EGLN1: variants seen among roughly 807,000 people sequenced by gnomAD.
EGLN1 encodes egl-9 family hypoxia inducible factor 1, also known as egl nine homolog 1.
In EGLN1, 17 loss-of-function variants were observed where a neutral mutation model predicts 38.3. The ratio of observed to expected loss-of-function variants is 0.44; its 90% CI spans 0.30 to 0.67. The LOEUF (loss-of-function observed/expected upper bound fraction) is 0.67, where lower values mean the gene tolerates loss of function less well. EGLN1 is among the 30% of genes least tolerant of loss of function. The probability of loss-of-function intolerance (pLI) is 0.08; values close to 1 mark genes in which losing one functional copy is unlikely to be tolerated. For missense variants in EGLN1, 477 were observed against 603.3 expected, an observed-to-expected ratio of 0.79 and a Z score of 2.19; for synonymous variants, 283 against 257.5, an observed-to-expected ratio of 1.10 and a Z score of -0.95.
chr1:231,411,141 C>A (rs1175249422), intron 1 of EGLN1, among the ~76,000 whole-genome samples: 1 of 152,162 alleles, frequency 6.6e-6, no homozygotes, highest in Non-Finnish European at 1.5e-5. Context: ...TTATAATCCC[C>A]ATTGTCAGGG....
At chr1:231,393,480 T>C (rs1688445471) in intron 1 of EGLN1, among the ~76,000 whole-genome samples, 1 of 152,180 alleles carries the variant, frequency 6.6e-6, no homozygotes, top group African/African-American at 2.4e-5. Context: ...ATGTGTCTAA[T>C]CCTACTTCTT....
Position 231,421,589 on chromosome 1 carries a change from C to T in EGLN1, c.300G>A (p.Arg100=), listed in dbSNP as rs2102947924. The T allele has an allele frequency of 7.6e-7, 1 of 1,318,454 alleles. No individual in the cohort carries two copies. Among genetic ancestry groups the T allele is most frequent in the Admixed American group, 4.2e-5 (1 of 23,904 alleles). 81.7% of individuals were successfully genotyped at this position (1,318,454 alleles called of 1,614,324 possible). ...AREPRKAAAR[R]DNASGDAAKG... Reference sequence around the variant, plus strand: ...TGGCCGCGTCCCCGGAGGCGTTGTCCCGGCGCGCCGCTGCCTTCCTGGGCT... The same window carrying T: ...TGGCCGCGTCCCCGGAGGCGTTGTCTCGGCGCGCCGCTGCCTTCCTGGGCT... Residue 100 remains arginine, a synonymous_variant, in exon 1 of 5, where the codon CGG becomes CGA. Transcript: ENST00000366641. The surrounding 1 kb of genome is among the most constrained non-coding windows in gnomAD (Gnocchi z 5.5).
intron 1 of EGLN1, among the ~76,000 whole-genome samples, chr1:231,401,325 A>G (rs1401188684): frequency 2.0e-5 from 3 of 152,192 alleles, no homozygotes; most frequent in African/African-American, 7.2e-5. Context: ...TATGGTTGCT[A>G]TGATAATTAA....
chr1:231,421,025 G>A lies in EGLN1; in HGVS notation c.864C>T (p.Gly288=), dbSNP rs766607213. The A allele has an allele frequency of 4.3e-6, 7 of 1,613,882 alleles. No homozygotes were observed. Among genetic ancestry groups the A allele is most frequent in the East Asian group, 2.2e-5 (1 of 44,864 alleles). The change falls in exon 1 of 5, where the codon GGC becomes GGT. Residue 288 remains glycine, a synonymous_variant. Coordinates refer to ENST00000366641, the MANE Select transcript of EGLN1 (RefSeq NM_022051.3). The surrounding 1 kb of genome is among the most constrained non-coding windows in gnomAD (Gnocchi z 5.5). ...TCGTCCGGCCATTGATTTTGTAGCT[G>A]CCCAGCTTCCCGTTACAGTGGCGTA... ...DLIRHCNGKL[G]SYKINGRTKA...
chr1:231,387,349 CTATT>C (rs928008113), intron 1 of EGLN1, among the ~76,000 whole-genome samples: 26 of 150,830 alleles, frequency 1.7e-4, no homozygotes, highest in African/African-American at 5.6e-4. Flanking sequence ...TAGATGCAAC[CTATT>C]TTTTTAATTT....
At chr1:231,370,949 G>A (rs1382172983) in intron 2 of EGLN1, among the ~76,000 whole-genome samples, 1 of 152,310 alleles carries the variant, frequency 6.6e-6, no homozygotes, top group African/African-American at 2.4e-5. Flanking sequence ...GAGTGCAGTG[G>A]CACAATCTCA....
intron 1 of EGLN1, among the ~76,000 whole-genome samples, chr1:231,390,183 C>G (rs1253030086): frequency 6.6e-6 from 1 of 152,148 alleles, no homozygotes; most frequent in Non-Finnish European, 1.5e-5. Flanking sequence ...GTCTGGTGCA[C>G]TTTTTAAAAA....
intron 1 of EGLN1, among the ~76,000 whole-genome samples, chr1:231,411,381 A>G (rs1385740548): frequency 6.6e-6 from 1 of 152,168 alleles, no homozygotes; most frequent in African/African-American, 2.4e-5. Flanking sequence ...GCTTTTCTTT[A>G]TAAATTACCC....
chr1:231,405,446 GGATTACAGGTGT>G (rs1688764383), intron 1 of EGLN1, among the ~76,000 whole-genome samples: 1 of 151,784 alleles, frequency 6.6e-6, no homozygotes, highest in Non-Finnish European at 1.5e-5. Context: ...CAAAGCGCTG[GGATTACAGGTGT>G]GAGCCACCAT....
At chr1:231,413,247 T>C (rs1436317793) in intron 1 of EGLN1, among the ~76,000 whole-genome samples, 2 of 152,100 alleles carry the variant, frequency 1.3e-5, no homozygotes, top group Non-Finnish European at 2.9e-5. Context: ...GGCTAATTTT[T>C]GTATTTTTAG....
chr1:231,414,499 CAA>C (rs956756721), intron 1 of EGLN1, among the ~76,000 whole-genome samples: 4 of 152,116 alleles, frequency 2.6e-5, no homozygotes, highest in African/African-American at 9.7e-5. Context: ...ACTAAAGAAA[CAA>C]GAGAGGGTAG....
At chr1:231,395,160 G>T (rs963322062) in intron 1 of EGLN1, among the ~76,000 whole-genome samples, 25 of 152,066 alleles carry the variant, frequency 1.6e-4, no homozygotes, top group African/African-American at 5.8e-4. Context: ...TTTATCAGCT[G>T]CTCCCTCCCC....
chr1:231,398,137 A>T (rs1688578235), intron 1 of EGLN1, among the ~76,000 whole-genome samples: 1 of 152,196 alleles, frequency 6.6e-6, no homozygotes, highest in Non-Finnish European at 1.5e-5. Context: ...AACACTTAAA[A>T]CCGAAATATT....
intron 2 of EGLN1, among the ~76,000 whole-genome samples, chr1:231,372,496 G>A (rs2102896630): frequency 6.6e-6 from 1 of 152,312 alleles, no homozygotes. Flanking sequence ...GTTAGAAGCT[G>A]ATGAAACACA....
chr1:231,411,462 T>C (rs894049371), intron 1 of EGLN1, among the ~76,000 whole-genome samples: 1 of 152,190 alleles, frequency 6.6e-6, no homozygotes, highest in East Asian at 1.9e-4. Context: ...CCCAAACTTA[T>C]GATTAGTCCT....
chr1:231,421,322 C>T lies in EGLN1; in HGVS notation c.567G>A (p.Pro189=), dbSNP rs747764937. 5.6e-6 allele frequency: 9 copies of T among 1,612,124 alleles called. No individual in the cohort carries two copies. The South Asian group carries it at 7.7e-5, about 14-fold the overall frequency. ...TGTACTCGAGCGCCAGCTTCAGCGC[C>T]GGCAGGGGCTTCGTCTGCCCGTTGG... is the stretch of plus-strand genomic sequence containing the variant. ...LRPNGQTKPL[P]ALKLALEYIV... is the part of the protein sequence containing the mutation. The change falls in exon 1 of 5, where the codon CCG becomes CCA. Residue 189 remains proline, a synonymous_variant. Coordinates refer to ENST00000366641, the MANE Select transcript of EGLN1 (RefSeq NM_022051.3). This position sits in a 1 kb window ranked among gnomAD's most constrained non-coding sequence, Gnocchi z 5.5.
chr1:231,417,617 G>A (rs1307542750), intron 1 of EGLN1, among the ~76,000 whole-genome samples: 1 of 152,078 alleles, frequency 6.6e-6, no homozygotes, highest in East Asian at 1.9e-4. Context: ...GCAGGGTAAC[G>A]GCAAAAAGGA....
chr1:231,409,370 A>G (rs1029572465), intron 1 of EGLN1, among the ~76,000 whole-genome samples: 2 of 152,050 alleles, frequency 1.3e-5, no homozygotes. Flanking sequence ...CAGGTTCAAC[A>G]TTGTATTTCC....
intron 1 of EGLN1, among the ~76,000 whole-genome samples, chr1:231,413,668 T>C (rs1182315596): frequency 3.3e-5 from 5 of 152,148 alleles, no homozygotes; most frequent in Non-Finnish European, 7.4e-5. Flanking sequence ...GAAGGGGGGC[T>C]TTTTGTTGTT....
Sources: allele counts gnomAD v4.1 joint callset (sites outside exome capture counted in the v4.1 genomes callset), GRCh38; gene constraint gnomAD v4.1.1; non-coding constraint Gnocchi (gnomAD v3.1); transcripts MANE v1.5; gene names NCBI Gene and HGNC (gene_info 2026-07-23, HGNC 2026-07-21).